The following MCM9 variants were observed in gnomAD, a reference collection of about 807,000 sequenced individuals.
MCM9 encodes minichromosome maintenance 9 homologous recombination repair factor.
Under a neutral mutation model 72.8 loss-of-function variants are expected in MCM9, and 55 were observed. The observed-to-expected ratio is 0.76, with a 90% CI of 0.61 to 0.95. The LOEUF is 0.95. Ranked by LOEUF, MCM9 falls within the 40% of genes least tolerant of loss-of-function variation. The pLI, the probability that MCM9 is intolerant of heterozygous loss-of-function variation, is 0.00. For synonymous variants in MCM9, 480 were observed against 503.4 expected (o/e 0.95, Z 0.62); for missense variants, 1,279 against 1,377.0 (o/e 0.93, Z 1.13).
At chr6:118,863,538 T>G (rs1777035045) in intron 8 of MCM9, among the ~76,000 whole-genome samples, 1 of 152,216 alleles carries the variant, frequency 6.6e-6, no homozygotes, top group South Asian at 2.1e-4. Flanking sequence ...TGTTATGGTC[T>G]GAATGTTTGT....
In MCM9 at chr6:118,815,297, G is replaced by C; in HGVS notation, c.2959C>G (p.Gln987Glu). The C allele has an allele frequency of 5.8e-6, 9 of 1,550,612 alleles. No homozygotes were observed. The highest frequency in any genetic ancestry group is 7.8e-6 in the Non-Finnish European group (9 of 1,146,950). Residue 987 changes from glutamine to glutamate, a missense_variant, in exon 14 of 14, where the codon CAG (glutamine) becomes GAG (glutamate). Transcript: ENST00000619706. ...TPGNQISSQP[Q>E]GETKEVSQQP... ...TGCGACACCTCCTTTGTCTCACCCT[G>C]TGGCTGACTGGAGATCTGGTTTCCT...
intron 9 of MCM9, among the ~76,000 whole-genome samples, chr6:118,840,739 C>A (rs533449765): frequency 3.7e-4 from 39 of 105,432 alleles, no homozygotes; most frequent in East Asian, 3.3e-4. Context: ...TCCTCCCCCC[C>A]CCCTTTTTTT....
Position 118,931,674 on chromosome 6 carries a change from A to C in MCM9, c.50T>G (p.Val17Gly). 6.2e-7 allele frequency: 1 copy of C among 1,614,128 alleles called. No individual in the cohort carries two copies. Among genetic ancestry groups the C allele is most frequent in the Non-Finnish European group, 8.5e-7 (1 of 1,180,010 alleles). The change falls in exon 3 of 14, where the codon GTT becomes GGT. Residue 17 changes from valine to glycine, a missense_variant. By Grantham distance (109) the Val-to-Gly change is moderately radical. Coordinates refer to ENST00000619706, the MANE Select transcript of MCM9 (RefSeq NM_017696.3). ...TLVGQVFESY[V>G]SEYHKNDILL... ...AATATCATTCTTATGGTATTCCGAAACATATGACTCAAACACTTGACCAAC... is the reference window on the plus strand; with the variant it reads ...AATATCATTCTTATGGTATTCCGAACCATATGACTCAAACACTTGACCAAC...
chr6:118,847,422 C>CAA (rs368957444), intron 9 of MCM9, among the ~76,000 whole-genome samples: 22,553 of 113,318 alleles, frequency 0.2, 2,542 homozygotes, highest in Non-Finnish European at 0.21. Context: ...CATGAATCTT[C>CAA]AAAAAAAAAA....
In MCM9 at chr6:118,907,522, T is replaced by A. The variant is rs1303782093; in HGVS notation, c.1150+4128A>T. 3 of 1,613,552 alleles carry A rather than the reference T, an allele frequency of 1.9e-6. No individual in the cohort carries two copies. The Admixed American group carries it at 5.0e-5, about 27-fold the overall frequency. ...TAATCCAAATCTACAGTCACTTCTT[T>A]CAACAGATGCATTACCTTCAGCATC... On this transcript the variant is annotated intron_variant, in intron 8 of 13. Coordinates refer to ENST00000619706, the MANE Select transcript of MCM9 (RefSeq NM_017696.3).
At chr6:118,837,880 G>A (rs991175666) in intron 9 of MCM9, among the ~76,000 whole-genome samples, 1 of 152,170 alleles carries the variant, frequency 6.6e-6, no homozygotes, top group African/African-American at 2.4e-5. Context: ...AAATTGTTAT[G>A]TGTGAATTTG....
chr6:118,901,276 T>A (rs538591931), intron 8 of MCM9, among the ~76,000 whole-genome samples: 4 of 152,328 alleles, frequency 2.6e-5, no homozygotes, highest in African/African-American at 9.6e-5. Context: ...GTTAGTAATA[T>A]GCATCTTCAG....
intron 6 of MCM9, 137 bp from the exon 7 acceptor site, chr6:118,913,557 A>C: frequency 9.2e-7 from 1 of 1,084,096 alleles, no homozygotes; most frequent in Non-Finnish European, 1.3e-6. Flanking sequence ...CCAATTCCAA[A>C]TGACCAACAG....
In MCM9 at chr6:118,922,019, T is replaced by C. The variant is rs757254095; in HGVS notation, c.689A>G (p.Asp230Gly). 2.8e-5 allele frequency: 45 copies of C among 1,612,638 alleles called. No individual in the cohort carries two copies. The highest frequency in any genetic ancestry group is 3.7e-5 in the Non-Finnish European group (44 of 1,179,194). ...MKVILEDDLV[D>G]SCKSGDDLTI... ...CCTCTTCTTACCAGATTTGCAACTA[T>C]CCACTAAGTCATCTTCCAGAATAAC... Residue 230 changes from aspartate (D) to glycine (G), a missense_variant, in exon 5 of 14, where the codon GAT (aspartate) becomes GGT (glycine). Coordinates refer to ENST00000619706, the MANE Select transcript of MCM9 (RefSeq NM_017696.3).
chr6:118,922,707 C>T (rs1781528532), intron 4 of MCM9, among the ~76,000 whole-genome samples: 1 of 152,182 alleles, frequency 6.6e-6, no homozygotes, highest in Non-Finnish European at 1.5e-5. Context: ...TCCTGGCCCA[C>T]AGCCAATCAT....
chr6:118,872,297 C>T (rs564051101), intron 8 of MCM9, among the ~76,000 whole-genome samples: 4 of 140,972 alleles, frequency 2.8e-5, no homozygotes, highest in Non-Finnish European at 6.0e-5. Flanking sequence ...CCAGCCTGGG[C>T]GATGGAGCAA....
intron 8 of MCM9, among the ~76,000 whole-genome samples, chr6:118,894,852 C>T (rs1000081099): frequency 6.6e-6 from 1 of 152,128 alleles, no homozygotes; most frequent in Non-Finnish European, 1.5e-5. Flanking sequence ...CGGGCTGGCT[C>T]CGCGCCGCCA....
chr6:118,921,824 T>C (rs1286198900), intron 5 of MCM9, 181 bp downstream of exon 5: 7 of 508,590 alleles, frequency 1.4e-5, no homozygotes, highest in Non-Finnish European at 2.1e-5. Flanking sequence ...TGCTGTTGTA[T>C]AGATCTAGCC....
chr6:118,902,320 A>G (rs1047490779), intron 8 of MCM9, among the ~76,000 whole-genome samples: 4 of 152,174 alleles, frequency 2.6e-5, no homozygotes, highest in Non-Finnish European at 5.9e-5. Flanking sequence ...TCTCATTAAA[A>G]TGTTATGGGG....
intron 13 of MCM9, among the ~76,000 whole-genome samples, chr6:118,821,329 AAT>A (rs1432290832): frequency 6.6e-6 from 1 of 152,164 alleles, no homozygotes; most frequent in Non-Finnish European, 1.5e-5. Flanking sequence ...CTGGTTACAA[AAT>A]ATTTCAGCAT....
Position 118,907,769 on chromosome 6 carries a change from T to C in MCM9, c.1150+3881A>G, listed in dbSNP as rs1265508773. 4 of 590,444 alleles carry C rather than the reference T, an allele frequency of 6.8e-6. No individual in the cohort carries two copies. The East Asian group carries it at 1.1e-4, about 17-fold the overall frequency. 36.6% of individuals were successfully genotyped at this position (590,444 alleles called of 1,614,324 possible). A position where few individuals can be genotyped will look rare whatever the true frequency, so the allele number is the denominator to read the frequency against. ...TAAGAAAACCAGTATTTGAACAAAT[T>C]GTGGAATATAAATACAACTATTTTT... On this transcript the variant is annotated intron_variant, in intron 8 of 13. Coordinates refer to ENST00000619706, the MANE Select transcript of MCM9 (RefSeq NM_017696.3).
chr6:118,916,889 G>A (rs914165229), intron 6 of MCM9, among the ~76,000 whole-genome samples: 1 of 152,166 alleles, frequency 6.6e-6, no homozygotes, highest in Admixed American at 6.5e-5. Context: ...TTTGAGGGGA[G>A]TGTTATTAGA....
chr6:118,896,724 C>G (rs1336685749), intron 8 of MCM9, among the ~76,000 whole-genome samples: 2 of 152,166 alleles, frequency 1.3e-5, no homozygotes, highest in African/African-American at 4.8e-5. Flanking sequence ...TATACTCCAC[C>G]TAGAGGCTAT....
In MCM9 at chr6:118,814,903, T is replaced by C. The variant is rs1007674996; in HGVS notation, c.3353A>G (p.Glu1118Gly). ...TAGTTCTGGTAAAGTGAAGAGGGAT[T>C]CTTTGGAAACAATCAGTTTCTCGGT... ...GSTEKLIVSK[E>G]SLFTLPELGD... The change falls in exon 14 of 14, where the codon GAA (glutamate) becomes GGA (glycine). Residue 1118 changes from glutamate to glycine, a missense_variant. Transcript: ENST00000619706. 1.9e-6 allele frequency: 3 copies of C among 1,549,176 alleles called. No homozygotes were observed. The highest frequency in any genetic ancestry group is 2.7e-5 in the African/African-American group (2 of 72,860).
Sources: allele counts gnomAD v4.1 joint callset (sites outside exome capture counted in the v4.1 genomes callset), GRCh38; gene constraint gnomAD v4.1.1; transcripts MANE v1.5; gene names NCBI Gene and HGNC (gene_info 2026-07-23, HGNC 2026-07-21).